SPEF2: variants seen among roughly 807,000 people sequenced by gnomAD.
The protein encoded by SPEF2 is sperm flagellar and cilia associated 2.
In SPEF2, 187 loss-of-function variants were observed where a neutral mutation model predicts 224.6. The observed-to-expected ratio is 0.83, with a 90% CI of 0.74 to 0.94. The LOEUF is 0.94. SPEF2 is among the 40% of genes least tolerant of loss of function. The probability of loss-of-function intolerance (pLI) is 0.00; values close to 1 mark genes in which losing one functional copy is unlikely to be tolerated. For missense variants in SPEF2, 2,170 were observed against 2,135.6 expected (o/e 1.02, Z -0.32); for synonymous variants, 715 against 707.3 (o/e 1.01, Z -0.17).
At chr5:35,781,256 C>T (rs536893735) in intron 30 of SPEF2, 6 of 151,690 alleles carry the variant, frequency 4.0e-5, no homozygotes, top group Non-Finnish European at 8.8e-5. Context: ...ATATGAACAA[C>T]TATTTGAGTT....
At chr5:35,803,142 T>C (rs1035404179) in intron 34 of SPEF2, among the ~76,000 whole-genome samples, 3 of 152,078 alleles carry the variant, frequency 2.0e-5, no homozygotes, top group Non-Finnish European at 2.9e-5. Flanking sequence ...GACAGTGAAA[T>C]GAATGGAGTT....
Position 35,621,335 on chromosome 5 carries a change from A to G in SPEF2, c.58+3280A>G, listed in dbSNP as rs969680101. On this transcript the variant is annotated intron_variant, in intron 1 of 36. Coordinates refer to ENST00000356031, the MANE Select transcript of SPEF2 (RefSeq NM_024867.4). ...GCCCTTTACATAGATTTTCTTATTTAATCTTAAAAACAACCCTAAGAGGTA... is the reference window on the plus strand; with the variant it reads ...GCCCTTTACATAGATTTTCTTATTTGATCTTAAAAACAACCCTAAGAGGTA... Among the ~76,000 whole-genome samples the G allele has an allele frequency of 2.0e-5, 3 of 152,142 alleles. No homozygotes were observed. In the South Asian group the frequency reaches 6.2e-4, roughly 32 times the overall value.
In SPEF2 at chr5:35,641,623, A is replaced by C; in HGVS notation, c.354A>C (p.Gln118His). 1 of 1,613,708 alleles carries C rather than the reference A, an allele frequency of 6.2e-7. No homozygotes were observed. The highest frequency in any genetic ancestry group is 8.5e-7 in the Non-Finnish European group (1 of 1,179,740). ...KKSGLTGVEM[Q>H]TMQRLTNLRL... ...GTGGACTGACTGGAGTGGAGATGCA[A>C]ACCATGCAACGTCTGACAAATTTAA... The change falls in exon 3 of 37, where the codon CAA (glutamine) becomes CAC (histidine). Residue 118 changes from glutamine (Q) to histidine (H), a missense_variant. Gln to His is a conservative substitution (Grantham distance 24). Transcript: ENST00000356031.
rs112787353 is a variant in SPEF2 at position 35,627,704 on chromosome 5, C to A, written c.59-756C>A. Among the ~76,000 whole-genome samples, 661 of 152,264 alleles carry A rather than the reference C, an allele frequency of 4.3e-3. 6 individuals are homozygous for A. Among genetic ancestry groups the A allele is most frequent in the African/African-American group, 0.015 (626 of 41,550 alleles). ...TCTCAAACACTGCTGCAAAAGAGAG[C>A]TATTAATATTAAATAGCTCTCTGAT... On this transcript the variant is annotated intron_variant, in intron 1 of 36. Transcript: ENST00000356031.
intron 23 of SPEF2, among the ~76,000 whole-genome samples, chr5:35,749,671 A>C (rs917351870): frequency 3.3e-5 from 5 of 152,122 alleles, no homozygotes; most frequent in Non-Finnish European, 5.9e-5. Context: ...TCTACAAGGA[A>C]AACTACAAAA....
At chr5:35,813,936 CT>C (rs1182838281) in intron 36 of SPEF2, among the ~76,000 whole-genome samples, 1 of 151,844 alleles carries the variant, frequency 6.6e-6, no homozygotes, top group Non-Finnish European at 1.5e-5. Context: ...TGAAAAATAT[CT>C]GTGATTTAAG....
intron 36 of SPEF2, 140 bp downstream of exon 36, chr5:35,807,393 G>A: frequency 3.1e-6 from 4 of 1,303,012 alleles, no homozygotes; most frequent in Non-Finnish European, 4.2e-6. Flanking sequence ...AAGCTAAGCT[G>A]GTAATCACAT....
chr5:35,807,344 A>G lies in SPEF2; in HGVS notation c.5379+91A>G. ...TAAATGTGAGCTGGCATGGAAGAGA[A>G]AGAAGCTGTACTCTGCCAGGCCAGG... is the stretch of plus-strand genomic sequence containing the variant. On this transcript the variant is annotated intron_variant, in intron 36 of 36. Transcript: ENST00000356031. 5.3e-6 allele frequency: 8 copies of G among 1,503,086 alleles called. 1 individual carries two copies. The South Asian group carries it at 1.1e-4, about 20-fold the overall frequency. 93.1% of individuals were successfully genotyped at this position (1,503,086 alleles called of 1,614,324 possible).
At chr5:35,703,854 G>A (rs931038214) in intron 16 of SPEF2, among the ~76,000 whole-genome samples, 2 of 152,014 alleles carry the variant, frequency 1.3e-5, no homozygotes, top group African/African-American at 4.8e-5. Context: ...ATCCTGTGAG[G>A]GTTCTTCATT....
intron 10 of SPEF2, among the ~76,000 whole-genome samples, chr5:35,679,551 A>G (rs544302137): frequency 3.9e-5 from 6 of 152,202 alleles, no homozygotes; most frequent in African/African-American, 1.4e-4. Flanking sequence ...TGTTTTTCTC[A>G]TCTGCCAGTC....
At chr5:35,736,045 T>C (rs77414927) in intron 21 of SPEF2, among the ~76,000 whole-genome samples, 1 of 152,054 alleles carries the variant, frequency 6.6e-6, no homozygotes, top group Non-Finnish European at 1.5e-5. Flanking sequence ...TGTGGAAAAA[T>C]TGAATTAAAA....
At chr5:35,763,390 A>G (rs1663636468) in intron 25 of SPEF2, 132 bp from the exon 26 acceptor site, 1 of 863,044 alleles carries the variant, frequency 1.2e-6, no homozygotes, top group Non-Finnish European at 1.7e-6. Flanking sequence ...CTCCATTAAA[A>G]TAATTCTTTC....
At chr5:35,720,987 C>T (rs897336435) in intron 20 of SPEF2, among the ~76,000 whole-genome samples, 2 of 152,140 alleles carry the variant, frequency 1.3e-5, no homozygotes, top group African/African-American at 4.8e-5. Flanking sequence ...AATGATGACT[C>T]AGAAATTTTA....
chr5:35,659,171 A>C lies in SPEF2; in HGVS notation c.1131A>C (p.Arg377=), dbSNP rs771843913. The part of the protein sequence containing the change: ...IFREKQHEER[R]LKDFQDALDR... ...GAGAAAAACAACATGAGGAAAGACGACTTAAAGATTTCCAGGATGCTCTTG... is the reference window on the plus strand; with the variant it reads ...GAGAAAAACAACATGAGGAAAGACGCCTTAAAGATTTCCAGGATGCTCTTG... The change falls in exon 8 of 37, where the codon CGA becomes CGC. Residue 377 remains arginine, a synonymous_variant. Coordinates refer to ENST00000356031, the MANE Select transcript of SPEF2 (RefSeq NM_024867.4). 12 of 1,612,086 alleles carry C rather than the reference A, an allele frequency of 7.4e-6. No homozygotes were observed. In the South Asian group the frequency reaches 9.9e-5, roughly 13 times the overall value.
At chr5:35,789,062 G>T (rs1494576) in intron 30 of SPEF2, 1 of 679,982 alleles carries the variant, frequency 1.5e-6, no homozygotes, top group Non-Finnish European at 2.7e-6. Context: ...GTATTATTTT[G>T]CTTTTTCAGA....
intron 2 of SPEF2, 136 bp from the exon 3 acceptor site, chr5:35,641,295 G>A: frequency 9.8e-7 from 1 of 1,015,358 alleles, no homozygotes; most frequent in South Asian, 1.8e-5. Flanking sequence ...CATTAGAGTG[G>A]TTTTAGAGAG....
intron 21 of SPEF2, among the ~76,000 whole-genome samples, chr5:35,729,078 G>A (rs1373160678): frequency 1.3e-5 from 2 of 152,040 alleles, no homozygotes; most frequent in African/African-American, 4.8e-5. Flanking sequence ...TAAAAAACAG[G>A]ACTTTTTTTA....
chr5:35,710,591 A>G (rs936515519), intron 19 of SPEF2: 110 of 984,944 alleles, frequency 1.1e-4, no homozygotes, highest in Non-Finnish European at 1.2e-4. Context: ...TGAGGAAGAC[A>G]GTTTTCACAG....
chr5:35,772,403 A>C (rs1752990511), intron 27 of SPEF2, among the ~76,000 whole-genome samples: 1 of 152,170 alleles, frequency 6.6e-6, no homozygotes, highest in Admixed American at 6.5e-5. Context: ...ACAATAGTAA[A>C]TTAAAAACAA....
Sources: allele counts gnomAD v4.1 joint callset (sites outside exome capture counted in the v4.1 genomes callset), GRCh38; gene constraint gnomAD v4.1.1; transcripts MANE v1.5; gene names NCBI Gene and HGNC (gene_info 2026-07-23, HGNC 2026-07-21).